Variants in CNOT7 observed in about 807,000 individuals in gnomAD.
The protein encoded by CNOT7 is CCR4-NOT transcription complex subunit 7.
Under a neutral mutation model 37.1 loss-of-function variants are expected in CNOT7, and 4 were observed. The ratio of observed to expected loss-of-function variants is 0.11; its 90% confidence interval spans 0.05 to 0.25. The LOEUF is 0.25. Among genes scored for constraint, CNOT7 ranks in the 10% least tolerant of loss-of-function variants. The pLI is 1.00. For missense variants in CNOT7, 170 were observed against 336.2 expected (o/e 0.51, Z 3.87); for synonymous variants, 128 against 115.6 (o/e 1.11, Z -0.69).
At chr8:17,232,787 T>C (rs1341112411) in intron 5 of CNOT7, among the ~76,000 whole-genome samples, 1 of 152,150 alleles carries the variant, frequency 6.6e-6, no homozygotes, top group Admixed American at 6.5e-5. Flanking sequence ...TTAGGGCATA[T>C]GACAGGTAAA....
intron 1 of CNOT7, chr8:17,246,206 G>A (rs369452468): frequency 2.6e-5 from 4 of 152,356 alleles, no homozygotes; most frequent in African/African-American, 9.6e-5. Context: ...AAGCCCCGAA[G>A]AGACACCAAA....
At chr8:17,240,352 ATTT>A (rs111442538) in intron 3 of CNOT7, among the ~76,000 whole-genome samples, 2 of 146,586 alleles carry the variant, frequency 1.4e-5, no homozygotes, top group African/African-American at 5.0e-5. Flanking sequence ...ACATTTTGAG[ATTT>A]TTTTTTTTTT....
rs529773207 is a variant in CNOT7 at position 17,232,031 on chromosome 8, A to C, written c.729+396T>G. 1.7e-4 allele frequency: 174 copies of C among 1,036,062 alleles called. 2 individuals are homozygous for C. In the South Asian group the frequency reaches 5.6e-3, roughly 34 times the overall value. The allele number at this position is 1,036,062 out of a possible 1,614,324, so 64.2% of individuals were successfully genotyped here. A position where few individuals can be genotyped will look rare whatever the true frequency, so the allele number is the denominator to read the frequency against. The stretch of plus-strand genomic sequence containing the variant: ...CTTAAAAGGGGTCATGCTAGAATAA[A>C]CCTAATATAAAGATTCCTTGCCTTG... On this transcript the variant is annotated intron_variant, in intron 6 of 6. Coordinates refer to ENST00000361272, the MANE Select transcript of CNOT7 (RefSeq NM_013354.7).
At chr8:17,230,894 A>C in intron 6 of CNOT7, 46 bp from the exon 7 acceptor site, 1 of 1,377,174 alleles carries the variant, frequency 7.3e-7, no homozygotes, top group Non-Finnish European at 1.0e-6. Context: ...TTTAACCAAA[A>C]GGAACCACTT....
intron 6 of CNOT7, among the ~76,000 whole-genome samples, chr8:17,231,180 G>A (rs936730796): frequency 6.6e-6 from 1 of 152,072 alleles, no homozygotes; most frequent in African/African-American, 2.4e-5. Context: ...AGCCAATGAT[G>A]GTGGGGGAAA....
chr8:17,244,338 C>G (rs1194300802), intron 2 of CNOT7: 1 of 152,234 alleles, frequency 6.6e-6, no homozygotes, highest in African/African-American at 2.4e-5. Context: ...AAACAAATTG[C>G]AGACCAACAA....
intron 4 of CNOT7, among the ~76,000 whole-genome samples, chr8:17,236,016 C>CA (rs1207541569): frequency 3.9e-5 from 6 of 152,094 alleles, no homozygotes; most frequent in African/African-American, 1.4e-4. Context: ...TTTGCACCTT[C>CA]ATATCTAGGG....
chr8:17,231,686 T>C (rs1808636366), intron 6 of CNOT7: 1 of 985,284 alleles, frequency 1.0e-6, no homozygotes, highest in Non-Finnish European at 1.2e-6. Context: ...GCACAACCAA[T>C]TTTCCTGTTT....
intron 6 of CNOT7, 93 bp from the exon 7 acceptor site, chr8:17,230,941 C>G: frequency 1.2e-6 from 1 of 865,074 alleles, no homozygotes; most frequent in East Asian, 2.7e-5. Flanking sequence ...ACTGACTGTT[C>G]ACTGACAATA....
At chr8:17,234,393 A>G (rs934742329) in intron 5 of CNOT7, among the ~76,000 whole-genome samples, 2 of 152,266 alleles carry the variant, frequency 1.3e-5, no homozygotes, top group African/African-American at 4.8e-5. Flanking sequence ...ACAACTCACA[A>G]TGGCGTGCAT....
In CNOT7 at chr8:17,243,054, A is replaced by G; in HGVS notation, c.249T>C (p.Asn83=). The G allele has an allele frequency of 6.2e-7, 1 of 1,608,966 alleles. No individual in the cohort carries two copies. Among genetic ancestry groups the G allele is most frequent in the Non-Finnish European group, 8.5e-7 (1 of 1,178,412 alleles). ...TTCCTGGAGGGTATTCTCCTTGCTC[A>G]TTCATAAATGTCAGTCCTAGCTGAA... is the stretch of plus-strand genomic sequence containing the variant. ...KIIQLGLTFM[N]EQGEYPPGTS... is the part of the protein sequence containing the mutation. The change falls in exon 3 of 7, where the codon AAT becomes AAC. Residue 83 remains asparagine, a synonymous_variant. Transcript: ENST00000361272.
rs747710703 is a variant in CNOT7 at position 17,230,618 on chromosome 8, G to A, written c.*102C>T. The A allele has an allele frequency of 3.0e-4, 288 of 954,042 alleles. 1 individual carries two copies. The highest frequency in any genetic ancestry group is 4.0e-4 in the Admixed American group (14 of 35,282). 59.1% of individuals were successfully genotyped at this position (954,042 alleles called of 1,614,324 possible). A position where few individuals can be genotyped will look rare whatever the true frequency, so the allele number is the denominator to read the frequency against. On this transcript the variant is annotated 3_prime_UTR_variant, in exon 7 of 7. Coordinates refer to ENST00000361272, the MANE Select transcript of CNOT7 (RefSeq NM_013354.7). ...GACAATAAAATGGGCCATGAAAGGGGGGGGAAAGGTACTGTCTATTGTTCG... is the reference window on the plus strand; with the variant it reads ...GACAATAAAATGGGCCATGAAAGGGAGGGGAAAGGTACTGTCTATTGTTCG...
intron 4 of CNOT7, among the ~76,000 whole-genome samples, chr8:17,235,669 C>G (rs1315879752): frequency 6.6e-6 from 1 of 152,160 alleles, no homozygotes; most frequent in Non-Finnish European, 1.5e-5. Context: ...CCAAGGACCT[C>G]TAACAGGAAG....
At chr8:17,231,727 CTTAA>C (rs1585777036) in intron 6 of CNOT7, 1 of 985,400 alleles carries the variant, frequency 1.0e-6, no homozygotes, top group Non-Finnish European at 1.2e-6. Flanking sequence ...GTGCACATCA[CTTAA>C]TTACTTAGGA....
chr8:17,241,950 G>A (rs1471580562), intron 3 of CNOT7: 5 of 152,148 alleles, frequency 3.3e-5, no homozygotes, highest in African/African-American at 7.2e-5. Flanking sequence ...CAGTTGAGGG[G>A]TGAAGAAAGC....
At chr8:17,238,822 CCTGT>C (rs1452451369) in intron 3 of CNOT7, among the ~76,000 whole-genome samples, 1 of 152,136 alleles carries the variant, frequency 6.6e-6, no homozygotes, top group Non-Finnish European at 1.5e-5. Flanking sequence ...GATTAATATT[CCTGT>C]CTTTCTTTAC....
chr8:17,234,938 A>G, intron 4 of CNOT7, 78 bp from the exon 5 acceptor site: 1 of 1,318,996 alleles, frequency 7.6e-7, no homozygotes, highest in Non-Finnish European at 1.0e-6. Flanking sequence ...TTTCTGATTC[A>G]AATTTAAGCA....
In CNOT7 at chr8:17,245,226, AT is replaced by A; in HGVS notation, c.-75del. 2.7e-6 allele frequency: 4 copies of A among 1,455,980 alleles called. No homozygotes were observed. The highest frequency in any genetic ancestry group is 3.7e-6 in the Non-Finnish European group (4 of 1,091,484). 90.2% of individuals were successfully genotyped at this position (1,455,980 alleles called of 1,614,324 possible). ...TGATTGAAGATTTGTTTCATAAAAT[AT>A]TTTATCCTTTATTTATGTACCTGTC... On this transcript the variant is annotated 5_prime_UTR_variant, in exon 2 of 7. Coordinates refer to ENST00000361272, the MANE Select transcript of CNOT7 (RefSeq NM_013354.7).
At chr8:17,231,325 AATAAAG>A (rs1034080750) in intron 6 of CNOT7, among the ~76,000 whole-genome samples, 3 of 152,148 alleles carry the variant, frequency 2.0e-5, no homozygotes, top group African/African-American at 7.2e-5. Context: ...AGCCAAGAAA[AATAAAG>A]ATAAATTAGT....
Sources: gnomAD v4.1 joint callset for allele counts (sites outside exome capture counted in the v4.1 genomes callset) on GRCh38, gnomAD v4.1.1 for gene constraint, MANE v1.5 for transcripts, NCBI Gene and HGNC (gene_info 2026-07-23, HGNC 2026-07-21) for gene names.